RIMS1: variants seen among roughly 807,000 people sequenced by gnomAD.
RIMS1 encodes the protein regulating synaptic membrane exocytosis 1, also known as regulating synaptic membrane exocytosis protein 1.
Under a neutral mutation model 214.1 loss-of-function variants are expected in RIMS1, and 83 were observed. That is an observed-to-expected ratio of 0.39 (90% CI 0.32 to 0.47). RIMS1 has a LOEUF of 0.47. Ranked by LOEUF, RIMS1 falls within the 20% of genes least tolerant of loss-of-function variation. The pLI is 0.99. For missense variants in RIMS1, 2,050 were observed against 2,161.8 expected (o/e 0.95, Z 1.03); for synonymous variants, 793 against 786.8 (o/e 1.01, Z -0.13).
intron 2 of RIMS1, among the ~76,000 whole-genome samples, chr6:72,044,717 C>A (rs535989651): frequency 1.1e-3 from 170 of 151,894 alleles, no homozygotes; most frequent in Non-Finnish European, 2.1e-3. Context: ...CAAGTGTGGA[C>A]AAAATCTTGG....
intron 2 of RIMS1, among the ~76,000 whole-genome samples, chr6:72,000,476 T>A (rs1001215108): frequency 2.0e-5 from 3 of 152,198 alleles, no homozygotes; most frequent in Admixed American, 6.6e-5. Context: ...TTTCTGTTTC[T>A]CTTCTCTACA....
intron 1 of RIMS1, among the ~76,000 whole-genome samples, chr6:71,905,798 A>G (rs1775090689): frequency 6.6e-6 from 1 of 152,128 alleles, no homozygotes; most frequent in South Asian, 2.1e-4. Context: ...GGCAGGCTCC[A>G]GGTGTCTTGG....
chr6:71,942,052 C>T (rs1473400762), intron 1 of RIMS1, among the ~76,000 whole-genome samples: 1 of 152,142 alleles, frequency 6.6e-6, no homozygotes, highest in Admixed American at 6.6e-5. Context: ...TTTTCTAGTA[C>T]TATGCTTTAG....
chr6:72,238,114 A>G (rs917367980), intron 9 of RIMS1, among the ~76,000 whole-genome samples, 192 bp downstream of exon 9: 1 of 152,016 alleles, frequency 6.6e-6, no homozygotes, highest in Non-Finnish European at 1.5e-5. Flanking sequence ...ACCAATTGCA[A>G]TAATAAGTAA....
intron 1 of RIMS1, among the ~76,000 whole-genome samples, chr6:71,888,111 G>A (rs747459988): frequency 2.0e-5 from 3 of 152,206 alleles, no homozygotes; most frequent in Non-Finnish European, 2.9e-5. Flanking sequence ...TGCTGGTGGT[G>A]CAGGAGTGTG....
chr6:72,234,181 G>T (rs555938106), intron 7 of RIMS1, among the ~76,000 whole-genome samples: 1 of 151,860 alleles, frequency 6.6e-6, no homozygotes, highest in Non-Finnish European at 1.5e-5. Context: ...ATTTAAAAAT[G>T]TATACTTATT....
intron 2 of RIMS1, among the ~76,000 whole-genome samples, chr6:72,073,773 A>G (rs1191996276): frequency 6.6e-6 from 1 of 152,110 alleles, no homozygotes; most frequent in African/African-American, 2.4e-5. Flanking sequence ...CTATGTAATT[A>G]CTTCTCTGGT....
intron 2 of RIMS1, among the ~76,000 whole-genome samples, chr6:72,048,650 G>A (rs1309571106): frequency 6.6e-6 from 1 of 152,198 alleles, no homozygotes; most frequent in Non-Finnish European, 1.5e-5. Flanking sequence ...TCAAGAGCCT[G>A]CTAGGAAATA....
chr6:72,015,596 A>G (rs1412849933), intron 2 of RIMS1, among the ~76,000 whole-genome samples: 2 of 152,078 alleles, frequency 1.3e-5, no homozygotes, highest in Non-Finnish European at 2.9e-5. Context: ...AGAGCAGACA[A>G]TCTGGTCTTG....
intron 25 of RIMS1, among the ~76,000 whole-genome samples, chr6:72,291,529 A>T (rs1485496049): frequency 6.6e-6 from 1 of 152,148 alleles, no homozygotes; most frequent in East Asian, 1.9e-4. Flanking sequence ...AGTCAATATC[A>T]ATTTAAGAGT....
At chr6:71,978,650 C>A (rs1478701778) in intron 2 of RIMS1, among the ~76,000 whole-genome samples, 1 of 152,002 alleles carries the variant, frequency 6.6e-6, no homozygotes, top group African/African-American at 2.4e-5. Context: ...AGTTATTTTT[C>A]TGAGACAGGC....
At chr6:72,044,027 A>C (rs189064372) in intron 2 of RIMS1, among the ~76,000 whole-genome samples, 1 of 151,634 alleles carries the variant, frequency 6.6e-6, no homozygotes, top group Non-Finnish European at 1.5e-5. Context: ...TTAAAAATTT[A>C]TTAAAGGATT....
intron 29 of RIMS1, among the ~76,000 whole-genome samples, chr6:72,350,909 T>C (rs1408036634): frequency 6.6e-6 from 1 of 152,150 alleles, no homozygotes; most frequent in African/African-American, 2.4e-5. Context: ...ATGCATTAAC[T>C]AAGGAAAGCG....
At position 72,231,311 on chromosome 6, in the gene RIMS1, A is replaced by G. The variant is rs1280284907; in HGVS notation, c.1679-2462A>G. ...TTTTATTTTTTGTAAGTCTTTAAGC[A>G]AAAGTGTTATATTTTAATGGGTAAT... On this transcript the variant is annotated intron_variant, in intron 6 of 33. Transcript: ENST00000521978. Among the ~76,000 whole-genome samples the G allele has an allele frequency of 2.6e-5, 4 of 151,660 alleles. No individual in the cohort carries two copies. In the East Asian group the frequency reaches 7.7e-4, roughly 29 times the overall value.
intron 22 of RIMS1, 88 bp downstream of exon 22, chr6:72,266,137 G>C (rs753709832): frequency 2.2e-6 from 2 of 915,664 alleles, no homozygotes; most frequent in African/African-American, 3.3e-5. Flanking sequence ...CAGCCTTACA[G>C]GTTTATTCAT....
chr6:72,231,846 C>T (rs1176615708), intron 6 of RIMS1, among the ~76,000 whole-genome samples: 1 of 151,508 alleles, frequency 6.6e-6, no homozygotes, highest in Non-Finnish European at 1.5e-5. Flanking sequence ...TATGGTGGTT[C>T]AACTCCATGT....
chr6:72,125,708 C>T (rs2039373704), intron 4 of RIMS1, among the ~76,000 whole-genome samples: 1 of 152,208 alleles, frequency 6.6e-6, no homozygotes, highest in East Asian at 1.9e-4. Flanking sequence ...TGCCCCTCCC[C>T]CAGCCCAGGC....
At chr6:71,938,276 G>GTACTGTTC (rs1214154243) in intron 1 of RIMS1, among the ~76,000 whole-genome samples, 9 of 152,192 alleles carry the variant, frequency 5.9e-5, no homozygotes, top group Non-Finnish European at 1.3e-4. Flanking sequence ...GGTGGTGGAT[G>GTACTGTTC]TACTGTTCTA....
intron 1 of RIMS1, among the ~76,000 whole-genome samples, chr6:71,935,814 C>T (rs1784266176): frequency 6.6e-6 from 1 of 152,218 alleles, no homozygotes; most frequent in Non-Finnish European, 1.5e-5. Flanking sequence ...AAATCTCCCT[C>T]TCATGATTTC....
Sources: gnomAD v4.1 joint callset for allele counts (sites outside exome capture counted in the v4.1 genomes callset) on GRCh38, gnomAD v4.1.1 for gene constraint, MANE v1.5 for transcripts, NCBI Gene and HGNC (gene_info 2026-07-23, HGNC 2026-07-21) for gene names.